DIAPH3: variants seen among roughly 807,000 people sequenced by gnomAD.
The protein encoded by DIAPH3 is diaphanous related formin 3.
DIAPH3 carries 117 observed loss-of-function variants against 144.3 expected under a neutral mutation model. The ratio of observed to expected loss-of-function variants is 0.81; its 90% CI spans 0.70 to 0.95. The LOEUF (loss-of-function observed/expected upper bound fraction) is 0.95. DIAPH3 is among the 40% of genes least tolerant of loss of function. The probability of loss-of-function intolerance (pLI) is 0.00; values close to 1 mark genes in which losing one functional copy is unlikely to be tolerated. For missense variants in DIAPH3, 1,421 were observed against 1,412.7 expected, an observed-to-expected ratio of 1.01 and a Z score of -0.09; for synonymous variants, 519 against 488.9, an observed-to-expected ratio of 1.06 and a Z score of -0.81.
intron 27 of DIAPH3, among the ~76,000 whole-genome samples, chr13:59,717,687 T>C (rs2035129700): frequency 6.6e-6 from 1 of 152,188 alleles, no homozygotes; most frequent in Non-Finnish European, 1.5e-5. Context: ...TGGTTGGCTT[T>C]CCCATATAAC....
chr13:59,802,723 G>A (rs1593901633), intron 25 of DIAPH3, among the ~76,000 whole-genome samples: 2 of 102,492 alleles, frequency 2.0e-5, no homozygotes, highest in African/African-American at 3.7e-5. Context: ...CGCCCAGGCC[G>A]GACTGCGGAC....
chr13:59,743,977 C>T (rs958133936), intron 27 of DIAPH3, among the ~76,000 whole-genome samples: 3 of 152,096 alleles, frequency 2.0e-5, no homozygotes, highest in African/African-American at 7.2e-5. Flanking sequence ...AAAATGGTGG[C>T]AAATCATGCT....
At chr13:59,875,545 C>T (rs543020614) in intron 21 of DIAPH3, among the ~76,000 whole-genome samples, 17 of 151,854 alleles carry the variant, frequency 1.1e-4, no homozygotes, top group Admixed American at 4.6e-4. Context: ...AAAATCCTGA[C>T]GAAACTGACT....
chr13:59,787,229 CTACT>C (rs1366441400), intron 25 of DIAPH3, among the ~76,000 whole-genome samples: 23 of 152,184 alleles, frequency 1.5e-4, no homozygotes, highest in Admixed American at 5.2e-4. Context: ...TGTTCAATAA[CTACT>C]GTGGTAGCAT....
chr13:59,780,256 A>G (rs1408815340), intron 25 of DIAPH3, among the ~76,000 whole-genome samples: 1 of 152,162 alleles, frequency 6.6e-6, no homozygotes, highest in Non-Finnish European at 1.5e-5. Context: ...CTAGTGAATG[A>G]TGACTCGAAG....
intron 27 of DIAPH3, among the ~76,000 whole-genome samples, chr13:59,706,370 C>G (rs2034428698): frequency 6.6e-6 from 1 of 152,044 alleles, no homozygotes; most frequent in Non-Finnish European, 1.5e-5. Context: ...AACTTGAGAA[C>G]ACATATAATA....
intron 3 of DIAPH3, among the ~76,000 whole-genome samples, chr13:60,100,261 G>A (rs1339133948): frequency 2.6e-5 from 4 of 152,050 alleles, no homozygotes; most frequent in African/African-American, 9.7e-5. Flanking sequence ...ATAATGAGAA[G>A]GCTGATCACC....
chr13:60,090,180 A>C (rs926241590), intron 4 of DIAPH3, among the ~76,000 whole-genome samples: 4 of 152,206 alleles, frequency 2.6e-5, no homozygotes, highest in African/African-American at 9.7e-5. Flanking sequence ...AGTGTACCGG[A>C]CAAACCTGGA....
chr13:59,933,939 G>C (rs1319683917), intron 17 of DIAPH3, among the ~76,000 whole-genome samples: 1 of 151,922 alleles, frequency 6.6e-6, no homozygotes, highest in Non-Finnish European at 1.5e-5. Context: ...ATAATTCCAT[G>C]TCACATGGTT....
Position 59,825,084 on chromosome 13 carries a change from T to C in DIAPH3, c.3027+8023A>G, listed in dbSNP as rs539783862. On this transcript the variant is annotated intron_variant, in intron 24 of 27. Transcript: ENST00000400324. ...TAAGTTTTAGGGTACATGTGCACAA[T>C]GTGCAGGTTAGTTACATATGTATAC... 2.6e-4 allele frequency among the ~76,000 whole-genome samples: 40 copies of C among 152,160 alleles called. 1 individual carries two copies. Among genetic ancestry groups the C allele is most frequent in the African/African-American group, 8.2e-4 (34 of 41,520 alleles).
intron 22 of DIAPH3, among the ~76,000 whole-genome samples, chr13:59,847,985 T>C (rs959793195): frequency 3.4e-4 from 52 of 152,184 alleles, no homozygotes; most frequent in African/African-American, 1.2e-3. Context: ...AAATCATTAG[T>C]TTTTATAACT....
At chr13:59,688,074 G>A (rs1488246023) in intron 27 of DIAPH3, among the ~76,000 whole-genome samples, 1 of 151,920 alleles carries the variant, frequency 6.6e-6, no homozygotes, top group African/African-American at 2.4e-5. Flanking sequence ...GTTGCTTTGG[G>A]AGTTCAGCTA....
At chr13:60,111,272 A>G (rs1222295034) in intron 3 of DIAPH3, among the ~76,000 whole-genome samples, 2 of 152,236 alleles carry the variant, frequency 1.3e-5, no homozygotes, top group Non-Finnish European at 2.9e-5. Context: ...AGACGTAGAA[A>G]GTGAGTTCAA....
At chr13:59,714,265 C>A (rs373285254) in intron 27 of DIAPH3, among the ~76,000 whole-genome samples, 1 of 146,508 alleles carries the variant, frequency 6.8e-6, no homozygotes, top group Admixed American at 7.0e-5. Flanking sequence ...GAGGCTGAGG[C>A]AGGAGAATGG....
chr13:59,867,457 G>A (rs2043995754), intron 21 of DIAPH3, among the ~76,000 whole-genome samples: 1 of 151,690 alleles, frequency 6.6e-6, no homozygotes. Context: ...AATTACTTAT[G>A]GCACCCATAT....
chr13:59,984,212 A>G (rs914186249), intron 12 of DIAPH3, among the ~76,000 whole-genome samples: 4 of 151,696 alleles, frequency 2.6e-5, no homozygotes, highest in East Asian at 1.9e-4. Context: ...GAGGTCATCA[A>G]CTTTCCACTG....
At chr13:60,100,228 T>C (rs1259741635) in intron 3 of DIAPH3, among the ~76,000 whole-genome samples, 2 of 152,130 alleles carry the variant, frequency 1.3e-5, no homozygotes, top group African/African-American at 2.4e-5. Flanking sequence ...GACATATTGA[T>C]ATTTCAAACC....
At chr13:59,843,081 A>C (rs1475263574) in intron 22 of DIAPH3, among the ~76,000 whole-genome samples, 5 of 152,234 alleles carry the variant, frequency 3.3e-5, no homozygotes, top group Non-Finnish European at 7.3e-5. Flanking sequence ...TCTAGAAACC[A>C]GTCTTCATCC....
intron 17 of DIAPH3, among the ~76,000 whole-genome samples, chr13:59,939,378 A>G (rs1392865049): frequency 4.6e-5 from 7 of 152,112 alleles, no homozygotes; most frequent in Admixed American, 3.9e-4. Context: ...TCGCATTTCT[A>G]TTTCCTTGAA....
Sources: allele counts gnomAD v4.1 joint callset (sites outside exome capture counted in the v4.1 genomes callset), GRCh38; gene constraint gnomAD v4.1.1; transcripts MANE v1.5; gene names NCBI Gene and HGNC (gene_info 2026-07-23, HGNC 2026-07-21).